Variants in CLIC4 observed in about 807,000 individuals in gnomAD.
CLIC4 encodes CLIC family member 4.
Under a neutral mutation model 24.6 loss-of-function variants are expected in CLIC4, and 13 were observed. The ratio of observed to expected loss-of-function variants is 0.53; its 90% CI spans 0.34 to 0.84. The LOEUF (loss-of-function observed/expected upper bound fraction) is 0.84, where lower values mean the gene tolerates loss of function less well. Among genes scored for constraint, CLIC4 ranks in the 40% least tolerant of loss-of-function variants. The pLI is 0.01. For missense variants in CLIC4, 227 were observed against 301.7 expected (o/e 0.75, Z 1.83); for synonymous variants, 104 against 111.3 (o/e 0.93, Z 0.41).
intron 3 of CLIC4, among the ~76,000 whole-genome samples, chr1:24,822,341 C>CTTT (rs71032865): frequency 0.02 from 1,545 of 75,438 alleles, 50 homozygotes; most frequent in East Asian, 0.048. Flanking sequence ...TCAGTGAATT[C>CTTT]TTTTTTTTTT....
chr1:24,798,566 GA>G, intron 2 of CLIC4, among the ~76,000 whole-genome samples: 1 of 152,292 alleles, frequency 6.6e-6, no homozygotes, highest in East Asian at 1.9e-4. Context: ...CTGAGGTGAA[GA>G]ACATTCATAC....
At chr1:24,822,812 A>G (rs1167317444) in intron 3 of CLIC4, among the ~76,000 whole-genome samples, 2 of 152,226 alleles carry the variant, frequency 1.3e-5, no homozygotes, top group African/African-American at 4.8e-5. Flanking sequence ...TTCATCATGC[A>G]GAATTGTTTC....
intron 1 of CLIC4, among the ~76,000 whole-genome samples, chr1:24,792,184 A>G (rs1410467769): frequency 6.6e-6 from 1 of 151,192 alleles, no homozygotes; most frequent in Non-Finnish European, 1.5e-5. Flanking sequence ...GTGTGTGTAT[A>G]TATATAATAT....
At chr1:24,773,764 T>C (rs1639099839) in intron 1 of CLIC4, among the ~76,000 whole-genome samples, 1 of 151,772 alleles carries the variant, frequency 6.6e-6, no homozygotes, top group Non-Finnish European at 1.5e-5. Context: ...ATCTGGCTAA[T>C]TTTCTTATTT....
intron 3 of CLIC4, among the ~76,000 whole-genome samples, 170 bp downstream of exon 3, chr1:24,814,389 A>G (rs1026450125): frequency 1.3e-5 from 2 of 152,236 alleles, no homozygotes; most frequent in African/African-American, 4.8e-5. Flanking sequence ...AGCTAGGCCA[A>G]TCAGCCATAC....
chr1:24,819,658 C>T (rs562458813), intron 3 of CLIC4, among the ~76,000 whole-genome samples: 89 of 151,926 alleles, frequency 5.9e-4, no homozygotes, highest in Middle Eastern at 3.4e-3. Context: ...AGGCTGGTCT[C>T]GAACTCTGGA....
chr1:24,746,300 T>C (rs1638697176), intron 1 of CLIC4, among the ~76,000 whole-genome samples: 5 of 152,158 alleles, frequency 3.3e-5, no homozygotes, highest in Admixed American at 2.6e-4. Context: ...ACATTTTGGC[T>C]TCTCCCCCCG....
At chr1:24,753,290 C>T (rs4648875) in intron 1 of CLIC4, among the ~76,000 whole-genome samples, 1,744 of 152,146 alleles carry the variant, frequency 0.011, 13 homozygotes, top group Admixed American at 0.02. Flanking sequence ...AAGAATGTAC[C>T]GGCATGAACT....
intron 4 of CLIC4, among the ~76,000 whole-genome samples, chr1:24,831,017 T>C (rs1207922293): frequency 6.6e-6 from 1 of 151,482 alleles, no homozygotes; most frequent in Non-Finnish European, 1.5e-5. Context: ...TTATTGGCCA[T>C]ACCTTATGTT....
intron 4 of CLIC4, among the ~76,000 whole-genome samples, chr1:24,830,691 G>C (rs1237883063): frequency 6.6e-6 from 1 of 152,014 alleles, no homozygotes; most frequent in Non-Finnish European, 1.5e-5. Flanking sequence ...GACAAGAAAG[G>C]GTGTTTTGAC....
intron 1 of CLIC4, among the ~76,000 whole-genome samples, chr1:24,789,914 C>T (rs1228070467): frequency 6.6e-6 from 1 of 152,048 alleles, no homozygotes; most frequent in African/African-American, 2.4e-5. Flanking sequence ...GACTCTGGAT[C>T]TTGTTTAATC....
intron 4 of CLIC4, among the ~76,000 whole-genome samples, chr1:24,830,770 A>G (rs1639832014): frequency 1.3e-5 from 2 of 152,210 alleles, no homozygotes; most frequent in South Asian, 4.1e-4. Context: ...AGCTTTATGA[A>G]ATAGCTTCTT....
chr1:24,785,854 C>CAAAAAAAAAAAAAAAAAAAAAAAAAA (rs61009244), intron 1 of CLIC4, among the ~76,000 whole-genome samples: 2 of 58,852 alleles, frequency 3.4e-5, no homozygotes, highest in Admixed American at 2.4e-4. Flanking sequence ...GACTACAACT[C>CAAAAAAAAAAAAAAAAAAAAAAAAAA]AAAAAAAAAA....
At chr1:24,787,948 C>G (rs1639288660) in intron 1 of CLIC4, among the ~76,000 whole-genome samples, 1 of 151,538 alleles carries the variant, frequency 6.6e-6, no homozygotes, top group Non-Finnish European at 1.5e-5. Context: ...CTCCGCCTCC[C>G]AAGTTCAAGT....
chr1:24,826,470 G>A lies in CLIC4; in HGVS notation c.309-540G>A, dbSNP rs199810393. Among the ~76,000 whole-genome samples the A allele has an allele frequency of 3.3e-5, 5 of 152,342 alleles. No individual in the cohort carries two copies. The East Asian group carries it at 9.6e-4, about 29-fold the overall frequency. On this transcript the variant is annotated intron_variant, in intron 3 of 5. Transcript: ENST00000374379. ...TACTAAGGATCTGGTTGGCACTGCTGTTTGAGAAGGCGCGTGAGCTGTGCT... is the reference window on the plus strand; with the variant it reads ...TACTAAGGATCTGGTTGGCACTGCTATTTGAGAAGGCGCGTGAGCTGTGCT...
intron 1 of CLIC4, among the ~76,000 whole-genome samples, chr1:24,776,365 G>C (rs1213772094): frequency 2.6e-5 from 4 of 152,112 alleles, no homozygotes; most frequent in African/African-American, 9.7e-5. Context: ...TTTCCTCCAA[G>C]TGCCAACTCC....
intron 1 of CLIC4, among the ~76,000 whole-genome samples, chr1:24,776,494 G>A (rs1280462466): frequency 1.3e-5 from 2 of 152,158 alleles, no homozygotes; most frequent in Admixed American, 6.5e-5. Context: ...GGTCTTACTA[G>A]AAGACTCAAA....
At chr1:24,823,954 A>C (rs958049205) in intron 3 of CLIC4, among the ~76,000 whole-genome samples, 2 of 152,176 alleles carry the variant, frequency 1.3e-5, no homozygotes, top group African/African-American at 4.8e-5. Flanking sequence ...GACTTATCTG[A>C]AAGTCTAAAT....
chr1:24,794,137 G>A (rs1238828610), intron 1 of CLIC4, among the ~76,000 whole-genome samples: 2 of 152,104 alleles, frequency 1.3e-5, no homozygotes, highest in African/African-American at 2.4e-5. Context: ...CATGAATAGT[G>A]CTGCAGTGAA....
Sources: gnomAD v4.1 joint callset for allele counts (sites outside exome capture counted in the v4.1 genomes callset) on GRCh38, gnomAD v4.1.1 for gene constraint, MANE v1.5 for transcripts, NCBI Gene and HGNC (gene_info 2026-07-23, HGNC 2026-07-21) for gene names.